The following SYVN1 variants were observed in gnomAD, a reference collection of about 807,000 sequenced individuals.
SYVN1 encodes E3 ubiquitin-protein ligase synoviolin.
In SYVN1, 17 loss-of-function variants were observed where a neutral mutation model predicts 62.6. The ratio of observed to expected loss-of-function variants is 0.27; its 90% CI spans 0.19 to 0.41. The LOEUF is 0.41. Among genes scored for constraint, SYVN1 ranks in the 10% least tolerant of loss-of-function variants. The probability of loss-of-function intolerance (pLI) is 1.00; values close to 1 mark genes in which losing one functional copy is unlikely to be tolerated. For synonymous variants in SYVN1, 316 were observed against 304.0 expected, an observed-to-expected ratio of 1.04 and a Z score of -0.41; for missense variants, 634 against 818.0, an observed-to-expected ratio of 0.78 and a Z score of 2.74.
chr11:65,128,882 C>G, intron 14 of SYVN1, 168 bp from the exon 15 acceptor site: 2 of 727,258 alleles, frequency 2.8e-6, no homozygotes, highest in Non-Finnish European at 4.4e-6. Flanking sequence ...GACAGGGTGA[C>G]TGGACTCAAG....
intron 5 of SYVN1, 75 bp downstream of exon 5, chr11:65,132,657 G>A (rs1283019255): frequency 2.7e-6 from 4 of 1,470,164 alleles, no homozygotes; most frequent in Admixed American, 1.7e-5. Context: ...GCTGTGGGGG[G>A]TAGCCTGTGC....
intron 11 of SYVN1, 103 bp from the exon 12 acceptor site, chr11:65,130,482 C>A: frequency 7.0e-7 from 1 of 1,423,734 alleles, no homozygotes; most frequent in South Asian, 1.5e-5. Flanking sequence ...TCCCACAGGC[C>A]CTCAGCCCAG....
In SYVN1 at chr11:65,129,991, GC is replaced by G. The variant is rs746066316; in HGVS notation, c.1408+10del. On this transcript the variant is annotated intron_variant, in intron 13 of 15. Coordinates refer to ENST00000377190, the MANE Select transcript of SYVN1 (RefSeq NM_172230.3). Reference sequence around the variant, plus strand: ...ACCCCCAAGAAGAACCCAGAGAGTGGCCCAGCTTACCAAAGGGTGGAGGCAG... The same window carrying G: ...ACCCCCAAGAAGAACCCAGAGAGTGGCCAGCTTACCAAAGGGTGGAGGCAG... 77 of 1,594,194 alleles carry G rather than the reference GC, an allele frequency of 4.8e-5. No homozygotes were observed. Among genetic ancestry groups the G allele is most frequent in the Non-Finnish European group, 6.4e-5 (75 of 1,167,410 alleles).
intron 15 of SYVN1, 32 bp from the exon 16 acceptor site, chr11:65,128,520 G>C: frequency 6.2e-7 from 1 of 1,613,352 alleles, no homozygotes; most frequent in Non-Finnish European, 8.5e-7. Flanking sequence ...GTGGAACCTA[G>C]AGAAGTTCCC....
intron 5 of SYVN1, 130 bp downstream of exon 5, chr11:65,132,602 A>C (rs1948195487): frequency 8.6e-7 from 1 of 1,166,400 alleles, no homozygotes; most frequent in South Asian, 1.3e-5. Context: ...GTGGAACAGC[A>C]CAGAGACTAT....
rs1415193056 is a variant in SYVN1, at chr11:65,127,656, C to A, written c.*726G>T. 2.0e-5 allele frequency: 3 copies of A among 151,010 alleles called. No homozygotes were observed. Among genetic ancestry groups the A allele is most frequent in the African/African-American group, 7.3e-5 (3 of 41,242 alleles). 9.4% of individuals were successfully genotyped at this position (151,010 alleles called of 1,614,324 possible). ...ATTGCAGTGGTCAGGAGCAGGCGCACTGGCCCTTGCCTGGAGTGCGGCTGG... is the reference window on the plus strand; with the variant it reads ...ATTGCAGTGGTCAGGAGCAGGCGCAATGGCCCTTGCCTGGAGTGCGGCTGG... On this transcript the variant is annotated 3_prime_UTR_variant, in exon 16 of 16. Transcript: ENST00000377190.
intron 14 of SYVN1, chr11:65,129,436 A>G (rs758596797): frequency 6.0e-6 from 2 of 331,394 alleles, no homozygotes; most frequent in Non-Finnish European, 1.1e-5. Flanking sequence ...ATATCATGTG[A>G]TGAACTAAAG....
chr11:65,133,689 T>C, intron 1 of SYVN1, 71 bp from the exon 2 acceptor site: 1 of 1,258,580 alleles, frequency 7.9e-7, no homozygotes, highest in South Asian at 1.3e-5. Context: ...TGGCACAGCC[T>C]CAATTCATAG....
At chr11:65,132,040 C>G (rs554265471) in intron 6 of SYVN1, among the ~76,000 whole-genome samples, 15 of 152,332 alleles carry the variant, frequency 9.8e-5, no homozygotes, top group Non-Finnish European at 2.2e-4. Flanking sequence ...CAGGTTGGGG[C>G]TCCTCCTCTG....
rs752261327 is a variant in SYVN1 at position 65,130,830 on chromosome 11, G to T, written c.942-7C>A. On this transcript the variant is annotated splice_region_variant and splice_polypyrimidine_tract_variant and intron_variant, in intron 10 of 15. Coordinates refer to ENST00000377190, the MANE Select transcript of SYVN1 (RefSeq NM_172230.3). ...GAACCAGGAGCGCAGGCAGCTGCGG[G>T]TCAAGGCCAGGCAGAGGTCAGCAGG... The T allele has an allele frequency of 6.3e-7, 1 of 1,579,886 alleles. No individual in the cohort carries two copies. The highest frequency in any genetic ancestry group is 1.1e-5 in the South Asian group (1 of 87,004).
chr11:65,132,101 G>A, intron 6 of SYVN1, 147 bp downstream of exon 6: 2 of 705,734 alleles, frequency 2.8e-6, no homozygotes, highest in Non-Finnish European at 2.6e-6. Flanking sequence ...AGCGTGTGGA[G>A]GGCAGGAGCC....
chr11:65,132,384 G>T (rs779622335), intron 5 of SYVN1, 33 bp from the exon 6 acceptor site: 3 of 1,468,626 alleles, frequency 2.0e-6, no homozygotes, highest in East Asian at 2.3e-5. Flanking sequence ...AGGGTGGGGG[G>T]GTCAGCCCAG....
Position 65,130,676 on chromosome 11 carries a change from C to T in SYVN1, c.1089G>A (p.Leu363=), listed in dbSNP as rs776642661. Residue 363 remains leucine, a synonymous_variant, in exon 11 of 16, where the codon TTG becomes TTA. Coordinates refer to ENST00000377190, the MANE Select transcript of SYVN1 (RefSeq NM_172230.3). ...PPPAPHPPPL[L]PQPPNFPQGL... is the part of the protein sequence containing the mutation. ...GATACTCACAGTTGGGGGGCTGAGG[C>T]AAGAGTGGTGGGGGGTGGGGGGCAG... The T allele has an allele frequency of 1.3e-4, 182 of 1,385,482 alleles. No individual in the cohort carries two copies. The highest frequency in any genetic ancestry group is 1.6e-4 in the Non-Finnish European group (175 of 1,071,474). The allele number at this position is 1,385,482 out of a possible 1,614,324, so 85.8% of individuals were successfully genotyped here.
chr11:65,133,655 TGCTGTGCAAAATA>T (rs1948210183), intron 1 of SYVN1, 37 bp from the exon 2 acceptor site: 8 of 1,571,492 alleles, frequency 5.1e-6, no homozygotes, highest in Non-Finnish European at 6.9e-6. Flanking sequence ...GTGATGCTCG[TGCTGTGCAAAATA>T]GCCCGGTGCC....
intron 14 of SYVN1, 48 bp downstream of exon 14, chr11:65,129,681 C>G: frequency 1.3e-6 from 2 of 1,584,172 alleles, no homozygotes; most frequent in Non-Finnish European, 1.7e-6. Flanking sequence ...CTTGGCAGCT[C>G]CACTCCTGAC....
At position 65,129,839 on chromosome 11, in the gene SYVN1, A is replaced by G; in HGVS notation, c.1485T>C (p.His495=). 2 of 1,614,178 alleles carry G rather than the reference A, an allele frequency of 1.2e-6. No individual in the cohort carries two copies. The highest frequency in any genetic ancestry group is 8.5e-7 in the Non-Finnish European group (1 of 1,180,036). ...TPEELRALEG[H]ERQHLEARLQ... ...GCCGGGCCTCCAGGTGCTGCCGCTC[A>G]TGGCCCTCCAGAGCTCGTAGCTCCT... The change falls in exon 14 of 16, where the codon CAT becomes CAC. Residue 495 remains histidine (H), a synonymous_variant. Coordinates refer to ENST00000377190, the MANE Select transcript of SYVN1 (RefSeq NM_172230.3).
In SYVN1 at chr11:65,133,255, AGGAGT is replaced by A. The variant is rs1948203750; in HGVS notation, c.133-8_133-4del. 6.2e-7 allele frequency: 1 copy of A among 1,614,064 alleles called. No individual in the cohort carries two copies. The highest frequency in any genetic ancestry group is 8.5e-7 in the Non-Finnish European group (1 of 1,180,020). On this transcript the variant is annotated splice_polypyrimidine_tract_variant and splice_region_variant and intron_variant, in intron 2 of 15. Transcript: ENST00000377190. ...ACAAAGGCCTGGATGTACAGGACCT[AGGAGT>A]GGGGAGAGGCTGTGGTTTGAGGTCA...
chr11:65,128,195 G>T lies in SYVN1; in HGVS notation c.*187C>A. 1.6e-6 allele frequency: 1 copy of T among 609,180 alleles called. No individual in the cohort carries two copies. The highest frequency in any genetic ancestry group is 2.9e-6 in the Non-Finnish European group (1 of 343,402). The allele number at this position is 609,180 out of a possible 1,614,324, so 37.7% of individuals were successfully genotyped here. Reference sequence around the variant, plus strand: ...GAACTGACCCGAGATCCCCATGGCTGCCTGGGACTGGAGTCAAATGGGAAC... The same window carrying T: ...GAACTGACCCGAGATCCCCATGGCTTCCTGGGACTGGAGTCAAATGGGAAC... On this transcript the variant is annotated 3_prime_UTR_variant, in exon 16 of 16. Transcript: ENST00000377190.
At chr11:65,129,970 C>G (rs1948154321) in intron 13 of SYVN1, 32 bp downstream of exon 13, 1 of 1,599,394 alleles carries the variant, frequency 6.3e-7, no homozygotes, top group Non-Finnish European at 8.5e-7. Flanking sequence ...AACCTCACCC[C>G]CAAGAAGAAC....
Sources: gnomAD v4.1 joint callset for allele counts (sites outside exome capture counted in the v4.1 genomes callset) on GRCh38, gnomAD v4.1.1 for gene constraint, MANE v1.5 for transcripts, NCBI Gene and HGNC (gene_info 2026-07-23, HGNC 2026-07-21) for gene names.